Variants in ATP8A2 observed in about 807,000 individuals in gnomAD.
ATP8A2 encodes the protein phospholipid-transporting ATPase IB.
A neutral mutation model predicts 165.6 loss-of-function variants in ATP8A2; 100 were observed. The ratio of observed to expected loss-of-function variants is 0.60; its 90% CI spans 0.51 to 0.71. The LOEUF (loss-of-function observed/expected upper bound fraction) is 0.71, where lower values mean the gene tolerates loss of function less well. Ranked by LOEUF, ATP8A2 falls within the 30% of genes least tolerant of loss-of-function variation. The pLI is 0.00. For missense variants in ATP8A2, 1,227 were observed against 1,479.5 expected, an observed-to-expected ratio of 0.83 and a Z score of 2.80; for synonymous variants, 543 against 548.8, an observed-to-expected ratio of 0.99 and a Z score of 0.15.
intron 33 of ATP8A2, among the ~76,000 whole-genome samples, chr13:25,956,390 TCTC>T (rs1955522282): frequency 6.6e-6 from 1 of 152,040 alleles, no homozygotes; most frequent in East Asian, 1.9e-4. Context: ...CAGCCCAAAA[TCTC>T]CTTAAGCTGA....
chr13:25,586,439 T>G (rs1456952257), intron 23 of ATP8A2, among the ~76,000 whole-genome samples: 1 of 152,178 alleles, frequency 6.6e-6, no homozygotes, highest in African/African-American at 2.4e-5. Flanking sequence ...CTGAAGGGTC[T>G]CAAGGGAGAG....
At chr13:25,610,071 TTACTC>T (rs1239322390) in intron 24 of ATP8A2, among the ~76,000 whole-genome samples, 1 of 152,144 alleles carries the variant, frequency 6.6e-6, no homozygotes, top group Non-Finnish European at 1.5e-5. Context: ...GGTTGTGTGT[TTACTC>T]TACTAATTGT....
intron 24 of ATP8A2, among the ~76,000 whole-genome samples, chr13:25,672,580 A>T (rs1455594549): frequency 6.6e-6 from 1 of 152,080 alleles, no homozygotes; most frequent in East Asian, 1.9e-4. Context: ...GACATTTAAT[A>T]TTTCTCAAGT....
chr13:25,978,816 T>C (rs1956117553), intron 35 of ATP8A2, among the ~76,000 whole-genome samples: 1 of 152,142 alleles, frequency 6.6e-6, no homozygotes, highest in African/African-American at 2.4e-5. Flanking sequence ...GGCGGGCGCC[T>C]GTAGTCCCAG....
intron 33 of ATP8A2, among the ~76,000 whole-genome samples, chr13:25,928,497 G>C (rs9511980): frequency 0.33 from 49,810 of 151,996 alleles, 8,441 homozygotes; most frequent in African/African-American, 0.41. Flanking sequence ...TATCAGAGCA[G>C]GGAATAGAGA....
intron 33 of ATP8A2, among the ~76,000 whole-genome samples, chr13:25,930,763 C>T (rs1954750512): frequency 6.6e-6 from 1 of 152,090 alleles, no homozygotes; most frequent in South Asian, 2.1e-4. Context: ...CAAATGAAGG[C>T]TCAGTGCCAT....
At chr13:25,794,788 A>G (rs569113027) in intron 27 of ATP8A2, among the ~76,000 whole-genome samples, 1 of 150,672 alleles carries the variant, frequency 6.6e-6, no homozygotes, top group South Asian at 2.1e-4. Context: ...TTTTATTGAT[A>G]TTGAAATTCT....
chr13:26,005,833 G>T (rs1956726807), intron 35 of ATP8A2, among the ~76,000 whole-genome samples: 1 of 151,918 alleles, frequency 6.6e-6, no homozygotes, highest in Non-Finnish European at 1.5e-5. Flanking sequence ...TGATGTATGG[G>T]TTTATTTCTG....
intron 1 of ATP8A2, among the ~76,000 whole-genome samples, chr13:25,405,076 G>A (rs766305396): frequency 7.9e-5 from 12 of 152,178 alleles, no homozygotes; most frequent in Non-Finnish European, 1.6e-4. Context: ...AGGGCCAAAC[G>A]CTGCCGGGCT....
intron 6 of ATP8A2, chr13:25,534,189 G>T (rs762946179): frequency 7.5e-6 from 4 of 532,664 alleles, no homozygotes; most frequent in African/African-American, 1.9e-5. Flanking sequence ...AGGAGAATTC[G>T]CCACCCTTTA....
chr13:25,488,608 G>A (rs2036424829), intron 2 of ATP8A2, among the ~76,000 whole-genome samples: 1 of 152,086 alleles, frequency 6.6e-6, no homozygotes, highest in African/African-American at 2.4e-5. Context: ...GTGGTGGCAT[G>A]CGCCTGTAGT....
chr13:25,984,054 G>A (rs1004160815), intron 35 of ATP8A2, among the ~76,000 whole-genome samples: 3 of 151,834 alleles, frequency 2.0e-5, no homozygotes, highest in Admixed American at 6.6e-5. Flanking sequence ...GCAACATAAC[G>A]AGACCCCCGT....
At chr13:25,996,626 A>C (rs2139307336) in intron 35 of ATP8A2, among the ~76,000 whole-genome samples, 1 of 151,932 alleles carries the variant, frequency 6.6e-6, no homozygotes, top group African/African-American at 2.4e-5. Flanking sequence ...CTGGCGTTCA[A>C]GCAATTCTCC....
At chr13:25,724,852 A>G (rs2043459476) in intron 25 of ATP8A2, among the ~76,000 whole-genome samples, 1 of 152,230 alleles carries the variant, frequency 6.6e-6, no homozygotes, top group Non-Finnish European at 1.5e-5. Context: ...CAATCAGTAT[A>G]AAGTCTAGAT....
chr13:25,483,945 G>T (rs145485679), intron 2 of ATP8A2, among the ~76,000 whole-genome samples: 1 of 152,170 alleles, frequency 6.6e-6, no homozygotes, highest in African/African-American at 2.4e-5. Context: ...GTGGACTTGC[G>T]TATTACTCTG....
Position 25,878,698 on chromosome 13 carries a change from C to A in ATP8A2, c.3183+16290C>A, listed in dbSNP as rs149081415. On this transcript the variant is annotated intron_variant, in intron 33 of 36. Transcript: ENST00000381655. The stretch of plus-strand genomic sequence containing the variant: ...AGGTCTCAGCTTCATTTTACCCAGC[C>A]CCTATTCAAGATGGAGTTGCTGTGG... Among the ~76,000 whole-genome samples the A allele has an allele frequency of 7.7e-4, 117 of 152,098 alleles. No individual in the cohort carries two copies. In the Middle Eastern group the frequency reaches 0.014, roughly 18 times the overall value.
rs2037869594 is a variant in ATP8A2, at chr13:25,527,199, AC to A, written c.222-2799del. Among the ~76,000 whole-genome samples the A allele has an allele frequency of 3.9e-5, 6 of 152,238 alleles. No homozygotes were observed. The South Asian group carries it at 1.2e-3, about 32-fold the overall frequency. On this transcript the variant is annotated intron_variant, in intron 2 of 36. Transcript: ENST00000381655. The stretch of plus-strand genomic sequence containing the variant: ...TTGGAACCAGAAACCTCATTGTATT[AC>A]ACCTTATAGTGCTCTGCTGAATTAA...
At position 25,372,232 on chromosome 13, in the gene ATP8A2, T is replaced by A; in HGVS notation, c.20T>A (p.Leu7Gln). 1.4e-6 allele frequency: 2 copies of A among 1,475,714 alleles called. No homozygotes were observed. The highest frequency in any genetic ancestry group is 1.8e-6 in the Non-Finnish European group (2 of 1,109,906). 91.4% of individuals were successfully genotyped at this position (1,475,714 alleles called of 1,614,324 possible). The change falls in exon 1 of 37, where the codon CTG (leucine) becomes CAG (glutamine). Residue 7 changes from leucine to glutamine, a missense_variant. By Grantham distance (113) the Leu-to-Gln change is moderately radical (BLOSUM62 -2). This residue lies in a region of ATP8A2 where 356 missense variants were observed against 394.9 expected (regional missense o/e 0.90). Transcript: ENST00000381655. This position sits in a 1 kb window ranked among gnomAD's most constrained non-coding sequence, Gnocchi z 4.8. MLNGAG[L>Q]DKALKMSLPR... ...GGCGAGATGCTGAACGGCGCAGGCC[T>A]GGACAAAGCTCTTAAGATGTCCCTG...
At chr13:25,601,715 C>G (rs945192890) in intron 24 of ATP8A2, among the ~76,000 whole-genome samples, 1 of 152,194 alleles carries the variant, frequency 6.6e-6, no homozygotes, top group Non-Finnish European at 1.5e-5. Context: ...AGTGATCCAC[C>G]CACCTTGGCC....
Sources: gnomAD v4.1 joint callset for allele counts (sites outside exome capture counted in the v4.1 genomes callset) on GRCh38, gnomAD v4.1.1 for gene constraint, gnomAD v4.1.1 regional missense constraint, Gnocchi (gnomAD v3.1) non-coding constraint, MANE v1.5 for transcripts, NCBI Gene and HGNC (gene_info 2026-07-23, HGNC 2026-07-21) for gene names.